The following OLFM2 variants were observed in gnomAD, a reference collection of about 807,000 sequenced individuals.
OLFM2 encodes olfactomedin 2.
A neutral mutation model predicts 43.9 loss-of-function variants in OLFM2; 20 were observed. The observed-to-expected ratio is 0.46, with a 90% CI of 0.32 to 0.66. OLFM2 has a LOEUF of 0.66. Among genes scored for constraint, OLFM2 ranks in the 30% least tolerant of loss-of-function variants. The pLI is 0.04. For synonymous variants in OLFM2, 268 were observed against 278.6 expected (o/e 0.96, Z 0.38); for missense variants, 416 against 643.6 (o/e 0.65, Z 3.83).
chr19:9,930,080 T>C (rs2086473881), intron 1 of OLFM2, among the ~76,000 whole-genome samples: 1 of 151,696 alleles, frequency 6.6e-6, no homozygotes. Flanking sequence ...ACACATACCA[T>C]ATGGTTGGCC....
chr19:9,902,006 G>A (rs750413437), intron 1 of OLFM2, among the ~76,000 whole-genome samples: 17 of 151,608 alleles, frequency 1.1e-4, no homozygotes, highest in Non-Finnish European at 1.8e-4. Flanking sequence ...GTCAACCTGC[G>A]TAATCACTTT....
intron 1 of OLFM2, among the ~76,000 whole-genome samples, chr19:9,896,091 A>AT (rs71188854): frequency 0.27 from 26,067 of 95,434 alleles, 3,299 homozygotes; most frequent in Non-Finnish European, 0.29. Flanking sequence ...CTTTATTTTA[A>AT]TTTTTTTTTT....
intron 1 of OLFM2, among the ~76,000 whole-genome samples, chr19:9,918,138 C>T (rs1356198383): frequency 1.3e-5 from 2 of 152,054 alleles, no homozygotes; most frequent in African/African-American, 4.8e-5. Context: ...CTCGGCCTCC[C>T]AAAGTGCTGG....
intron 1 of OLFM2, among the ~76,000 whole-genome samples, chr19:9,922,260 T>C (rs562945385): frequency 1.2e-4 from 14 of 113,412 alleles, no homozygotes; most frequent in Admixed American, 3.6e-4. Context: ...TATGTATCTA[T>C]GTAAAATCTA....
At chr19:9,908,579 C>T (rs1037119820) in intron 1 of OLFM2, among the ~76,000 whole-genome samples, 5 of 147,992 alleles carry the variant, frequency 3.4e-5, no homozygotes, top group African/African-American at 7.5e-5. Context: ...CCTGGGTTCA[C>T]GCCATTCTCC....
At chr19:9,872,108 G>A (rs1383194297) in intron 1 of OLFM2, among the ~76,000 whole-genome samples, 3 of 152,186 alleles carry the variant, frequency 2.0e-5, no homozygotes, top group Non-Finnish European at 4.4e-5. Flanking sequence ...TGTCTGAGCC[G>A]TGACAGGGGG....
intron 1 of OLFM2, among the ~76,000 whole-genome samples, chr19:9,862,146 T>C (rs1402193261): frequency 1.3e-5 from 2 of 152,062 alleles, no homozygotes; most frequent in African/African-American, 4.8e-5. Context: ...TCCATGGAGC[T>C]ACTAGGAGAG....
intron 1 of OLFM2, among the ~76,000 whole-genome samples, chr19:9,893,170 TC>T (rs1478220779): frequency 9.0e-6 from 1 of 111,610 alleles, no homozygotes; most frequent in Non-Finnish European, 2.2e-5. Context: ...TTTTTCTTTT[TC>T]TTTTTTTTTT....
intron 1 of OLFM2, among the ~76,000 whole-genome samples, chr19:9,926,248 C>A (rs556490154): frequency 6.6e-6 from 1 of 152,040 alleles, no homozygotes; most frequent in Admixed American, 6.6e-5. Flanking sequence ...TATGATTCAG[C>A]CTTTAAAAGG....
Position 9,857,470 on chromosome 19 carries a change from T to A in OLFM2, c.373A>T (p.Arg125Trp). 6.2e-7 allele frequency: 1 copy of A among 1,613,774 alleles called. No homozygotes were observed. The highest frequency in any genetic ancestry group is 8.5e-7 in the Non-Finnish European group (1 of 1,180,024). The change falls in exon 4 of 6, where the codon AGG becomes TGG. Residue 125 changes from arginine to tryptophan, a missense_variant. Arg to Trp is a moderately radical substitution (Grantham distance 101). Coordinates refer to ENST00000264833, the MANE Select transcript of OLFM2 (RefSeq NM_058164.4). The surrounding 1 kb of genome is among the most constrained non-coding windows in gnomAD (Gnocchi z 5.7). The stretch of plus-strand genomic sequence containing the variant: ...CTCAGGGGCAACAGTTCCGTCATCC[T>A]GTCCTTCAGCTCCTGTGCATCAAGA... Reference protein sequence around the residue: ...SAKSFQELKDRMTELLPLSSV... With the variant: ...SAKSFQELKDWMTELLPLSSV...
intron 1 of OLFM2, among the ~76,000 whole-genome samples, chr19:9,914,240 C>T (rs2046857049): frequency 6.6e-6 from 1 of 152,096 alleles, no homozygotes; most frequent in Non-Finnish European, 1.5e-5. Flanking sequence ...TCCCCACCCA[C>T]CCACTGTTGG....
intron 1 of OLFM2, among the ~76,000 whole-genome samples, chr19:9,914,170 G>A (rs1196196904): frequency 1.3e-5 from 2 of 151,726 alleles, no homozygotes; most frequent in African/African-American, 4.8e-5. Flanking sequence ...GACCCCGCGC[G>A]TAAAGGCGCC....
intron 1 of OLFM2, among the ~76,000 whole-genome samples, chr19:9,916,229 C>T (rs919140102): frequency 6.6e-6 from 1 of 151,944 alleles, no homozygotes; most frequent in Non-Finnish European, 1.5e-5. Context: ...TGGTGGTGCA[C>T]GCCTGTAATC....
chr19:9,885,318 C>A (rs1189676115), intron 1 of OLFM2, among the ~76,000 whole-genome samples: 1 of 152,164 alleles, frequency 6.6e-6, no homozygotes, highest in Non-Finnish European at 1.5e-5. Context: ...GTCAGAGGAG[C>A]CCCAGTGCCA....
intron 1 of OLFM2, among the ~76,000 whole-genome samples, chr19:9,904,347 C>T (rs571180532): frequency 3.9e-5 from 6 of 152,046 alleles, no homozygotes; most frequent in African/African-American, 1.4e-4. Flanking sequence ...TGTACCACCA[C>T]GCCCAGCTAA....
rs145023615 is a variant in OLFM2 at position 9,934,830 on chromosome 19, T to C, written c.63+1474A>G. On this transcript the variant is annotated intron_variant, in intron 1 of 5. Transcript: ENST00000264833. ...TCTCCTCGTGGCCTGGAAATCCTTCTATCTGGAGTCTAACCTCCATTCCTC... is the reference window on the plus strand; with the variant it reads ...TCTCCTCGTGGCCTGGAAATCCTTCCATCTGGAGTCTAACCTCCATTCCTC... Among the ~76,000 whole-genome samples, 197 of 152,300 alleles carry C rather than the reference T, an allele frequency of 1.3e-3. 1 individual carries two copies. Among genetic ancestry groups the C allele is most frequent in the African/African-American group, 4.5e-3 (185 of 41,568 alleles).
intron 1 of OLFM2, among the ~76,000 whole-genome samples, chr19:9,915,961 G>C (rs1255614664): frequency 6.6e-6 from 1 of 152,236 alleles, no homozygotes; most frequent in East Asian, 1.9e-4. Flanking sequence ...GGCCAGTGTA[G>C]TTGGAGTGAG....
In OLFM2 at chr19:9,921,178, A is replaced by G. The variant is rs2086417262; in HGVS notation, c.63+15126T>C. Among the ~76,000 whole-genome samples the G allele has an allele frequency of 1.3e-5, 2 of 152,168 alleles. 1 individual carries two copies. Among genetic ancestry groups the G allele is most frequent in the Admixed American group, 1.3e-4 (2 of 15,264 alleles). ...GTCACCCAGGCTGGAGTGCAGTCAC[A>G]TGATCATACTTCACTGTAGCCTCAA... On this transcript the variant is annotated intron_variant, in intron 1 of 5. Transcript: ENST00000264833.
intron 1 of OLFM2, among the ~76,000 whole-genome samples, chr19:9,879,332 A>G (rs1343292026): frequency 6.8e-6 from 1 of 147,642 alleles, no homozygotes; most frequent in Non-Finnish European, 1.5e-5. Flanking sequence ...GGGTTTCTCC[A>G]TGTTGGTCAG....
Sources: gnomAD v4.1 joint callset for allele counts (sites outside exome capture counted in the v4.1 genomes callset) on GRCh38, gnomAD v4.1.1 for gene constraint, Gnocchi (gnomAD v3.1) non-coding constraint, MANE v1.5 for transcripts, NCBI Gene and HGNC (gene_info 2026-07-23, HGNC 2026-07-21) for gene names.